Variants in PICALM observed in about 807,000 individuals in gnomAD.
PICALM encodes the protein phosphatidylinositol-binding clathrin assembly protein.
Under a neutral mutation model 80.5 loss-of-function variants are expected in PICALM, and 40 were observed. The ratio of observed to expected loss-of-function variants is 0.50; its 90% CI spans 0.39 to 0.65. The LOEUF (loss-of-function observed/expected upper bound fraction) is 0.65, where lower values mean the gene tolerates loss of function less well. PICALM is among the 30% of genes least tolerant of loss of function. The pLI is 0.00. For synonymous variants in PICALM, 288 were observed against 260.3 expected (o/e 1.11, Z -1.02); for missense variants, 676 against 778.9 (o/e 0.87, Z 1.57).
chr11:86,067,077 G>A (rs1001559365), intron 1 of PICALM, among the ~76,000 whole-genome samples: 2 of 152,188 alleles, frequency 1.3e-5, no homozygotes, highest in Non-Finnish European at 2.9e-5. Flanking sequence ...TTCCACAGTG[G>A]AGGAACAATC....
intron 1 of PICALM, among the ~76,000 whole-genome samples, chr11:86,056,943 A>C (rs590055): frequency 0.27 from 41,689 of 152,104 alleles, 5,923 homozygotes; most frequent in African/African-American, 0.33. Flanking sequence ...GACTCCATTA[A>C]TACGAAATGT....
intron 12 of PICALM, among the ~76,000 whole-genome samples, chr11:85,993,086 G>GTT (rs35816362): frequency 7.9e-5 from 11 of 139,984 alleles, no homozygotes; most frequent in Admixed American, 2.2e-4. Flanking sequence ...ATCCCTTAAA[G>GTT]TTTTTTTTTT....
intron 1 of PICALM, among the ~76,000 whole-genome samples, chr11:86,044,856 C>T (rs1220491117): frequency 2.0e-5 from 3 of 152,180 alleles, no homozygotes; most frequent in Non-Finnish European, 2.9e-5. Flanking sequence ...TGCCTATGAT[C>T]GAGGTGGAAC....
chr11:85,974,898 G>C lies in PICALM; in HGVS notation c.1840-86C>G, dbSNP rs2094225595. The C allele has an allele frequency of 1.6e-5, 15 of 909,194 alleles. 1 individual carries two copies. The South Asian group carries it at 1.9e-4, about 11-fold the overall frequency. 56.3% of individuals were successfully genotyped at this position (909,194 alleles called of 1,614,324 possible). Reference sequence around the variant, plus strand: ...AATAACAATGACAACAGGGATGACAGGTCCTAGTACCTTTGCTTGACTCAA... The same window carrying C: ...AATAACAATGACAACAGGGATGACACGTCCTAGTACCTTTGCTTGACTCAA... On this transcript the variant is annotated intron_variant, in intron 18 of 19. Transcript: ENST00000393346.
chr11:86,068,284 G>A (rs1031909201), intron 1 of PICALM, among the ~76,000 whole-genome samples: 6 of 152,212 alleles, frequency 3.9e-5, no homozygotes, highest in Non-Finnish European at 8.8e-5. Flanking sequence ...GCGACGAGGC[G>A]GCACCGGACG....
chr11:85,958,759 A>G lies in PICALM; in HGVS notation c.*287T>C. The G allele has an allele frequency of 2.9e-6, 1 of 342,904 alleles. No individual in the cohort carries two copies. The highest frequency in any genetic ancestry group is 5.3e-6 in the Non-Finnish European group (1 of 188,628). 21.2% of individuals were successfully genotyped at this position (342,904 alleles called of 1,614,324 possible). A position where few individuals can be genotyped will look rare whatever the true frequency, so the allele number is the denominator to read the frequency against. On this transcript the variant is annotated 3_prime_UTR_variant, in exon 20 of 20. Coordinates refer to ENST00000393346, the MANE Select transcript of PICALM (RefSeq NM_007166.4). ...AAGGGCTTTTCTTGATAGGTTACTG[A>G]TTATGGGTATTAACAGGAGTTGAAA...
chr11:86,035,863 G>C (rs538801691), intron 1 of PICALM, among the ~76,000 whole-genome samples: 1 of 148,782 alleles, frequency 6.7e-6, no homozygotes, highest in African/African-American at 2.5e-5. Flanking sequence ...CAGCAGAATT[G>C]CTTGAGTCTG....
At chr11:85,992,419 G>A (rs939495470) in intron 12 of PICALM, among the ~76,000 whole-genome samples, 2 of 151,808 alleles carry the variant, frequency 1.3e-5, no homozygotes, top group African/African-American at 2.4e-5. Flanking sequence ...TGAGTAGCTG[G>A]GATTACAGGC....
chr11:86,060,209 G>T (rs570630890), intron 1 of PICALM, among the ~76,000 whole-genome samples: 4 of 152,072 alleles, frequency 2.6e-5, no homozygotes, highest in Non-Finnish European at 5.9e-5. Flanking sequence ...ATCCCTAAAG[G>T]TGCATTTTTT....
chr11:86,056,674 T>C (rs780109107), intron 1 of PICALM, among the ~76,000 whole-genome samples: 17 of 152,144 alleles, frequency 1.1e-4, no homozygotes, highest in Non-Finnish European at 2.4e-4. Context: ...CTCCTAGATA[T>C]ATACCTAAGA....
chr11:86,023,465 G>A (rs1593034488), intron 3 of PICALM: 7 of 984,822 alleles, frequency 7.1e-6, no homozygotes, highest in African/African-American at 1.7e-5. Flanking sequence ...TCAGCTCTTC[G>A]GTTCATATGG....
intron 1 of PICALM, among the ~76,000 whole-genome samples, chr11:86,049,015 G>A (rs945739916): frequency 3.3e-5 from 5 of 152,104 alleles, no homozygotes; most frequent in Non-Finnish European, 7.4e-5. Flanking sequence ...TCAGAGGGCC[G>A]GGTGCGGTGG....
intron 8 of PICALM, 138 bp downstream of exon 8, chr11:86,007,404 G>C (rs985528099): frequency 7.0e-6 from 4 of 567,736 alleles, no homozygotes; most frequent in Non-Finnish European, 1.3e-5. Context: ...ACAATCTTCA[G>C]GAATACATCA....
intron 13 of PICALM, among the ~76,000 whole-genome samples, chr11:85,984,832 T>A (rs2094532192): frequency 6.6e-6 from 1 of 152,136 alleles, no homozygotes; most frequent in South Asian, 2.1e-4. Flanking sequence ...TATATTTAAG[T>A]AAGGTTCTGA....
intron 13 of PICALM, among the ~76,000 whole-genome samples, chr11:85,988,248 A>G (rs775066687): frequency 6.6e-6 from 1 of 152,230 alleles, no homozygotes; most frequent in Non-Finnish European, 1.5e-5. Flanking sequence ...AAACGTTTTC[A>G]TGCTTCTGAA....
intron 17 of PICALM, chr11:85,978,445 T>C (rs896856929): frequency 1.9e-5 from 3 of 157,232 alleles, no homozygotes; most frequent in African/African-American, 4.8e-5. Flanking sequence ...CAAGCACTAA[T>C]TAAAAGAATT....
At chr11:86,022,040 T>G (rs1454595061) in intron 4 of PICALM, among the ~76,000 whole-genome samples, 3 of 152,178 alleles carry the variant, frequency 2.0e-5, no homozygotes, top group African/African-American at 7.2e-5. Flanking sequence ...TGAATGCTAA[T>G]AGGTATAGAG....
intron 13 of PICALM, among the ~76,000 whole-genome samples, chr11:85,986,492 G>A (rs1327368498): frequency 1.4e-5 from 2 of 142,386 alleles, no homozygotes; most frequent in Non-Finnish European, 3.0e-5. Flanking sequence ...CTGGGTTCAC[G>A]CCATTCTCCT....
intron 13 of PICALM, among the ~76,000 whole-genome samples, chr11:85,986,516 G>A (rs951320063): frequency 6.7e-6 from 1 of 150,082 alleles, no homozygotes; most frequent in African/African-American, 2.5e-5. Flanking sequence ...TCAGCCTCCC[G>A]AGTAGCTGGG....
Sources: gnomAD v4.1 joint callset for allele counts (sites outside exome capture counted in the v4.1 genomes callset) on GRCh38, gnomAD v4.1.1 for gene constraint, MANE v1.5 for transcripts, NCBI Gene and HGNC (gene_info 2026-07-23, HGNC 2026-07-21) for gene names.